Variants in RAF1 observed in about 807,000 individuals in gnomAD.
RAF1 encodes Raf-1 proto-oncogene, serine/threonine kinase.
A neutral mutation model predicts 81.1 loss-of-function variants in RAF1; 27 were observed. The observed-to-expected ratio is 0.33, with a 90% confidence interval of 0.25 to 0.46. RAF1 has a LOEUF of 0.46. Ranked by LOEUF, RAF1 falls within the 20% of genes least tolerant of loss-of-function variation. RAF1 has a pLI of 1.00. For synonymous variants in RAF1, 298 were observed against 294.0 expected (o/e 1.01, Z -0.14); for missense variants, 598 against 826.0 (o/e 0.72, Z 3.38).
intron 2 of RAF1, among the ~76,000 whole-genome samples, chr3:12,618,095 A>G (rs1403171592): frequency 6.6e-6 from 1 of 152,072 alleles, no homozygotes; most frequent in African/African-American, 2.4e-5. Flanking sequence ...TACAAAAATA[A>G]TCTTTTCTAT....
At chr3:12,639,610 C>A (rs1221763371) in intron 1 of RAF1, among the ~76,000 whole-genome samples, 1 of 152,144 alleles carries the variant, frequency 6.6e-6, no homozygotes, top group Non-Finnish European at 1.5e-5. Flanking sequence ...CATGAGTGAA[C>A]TCTCATTCAC....
chr3:12,604,392 T>G (rs1317519557), intron 6 of RAF1, 103 bp from the exon 7 acceptor site: 8 of 1,197,846 alleles, frequency 6.7e-6, no homozygotes, highest in Non-Finnish European at 9.7e-6. Flanking sequence ...GGGCAAACTC[T>G]ACCTGTACAA....
intron 3 of RAF1, among the ~76,000 whole-genome samples, chr3:12,610,039 C>A (rs2059160750): frequency 6.6e-6 from 1 of 152,132 alleles, no homozygotes; most frequent in East Asian, 1.9e-4. Flanking sequence ...GTCTATAAGT[C>A]AATGAGAAAC....
intron 1 of RAF1, among the ~76,000 whole-genome samples, chr3:12,637,874 T>G (rs138002429): frequency 0.019 from 2,917 of 151,992 alleles, 93 homozygotes; most frequent in African/African-American, 0.066. Context: ...AAACACAAAT[T>G]TGGACATATT....
At chr3:12,658,838 A>T (rs950125726) in intron 1 of RAF1, among the ~76,000 whole-genome samples, 1 of 152,202 alleles carries the variant, frequency 6.6e-6, no homozygotes, top group Non-Finnish European at 1.5e-5. Context: ...GATGCCAATT[A>T]ACATACTTTG....
chr3:12,623,787 GA>G (rs2059617967), intron 1 of RAF1, among the ~76,000 whole-genome samples: 1 of 124,146 alleles, frequency 8.1e-6, no homozygotes, highest in South Asian at 2.6e-4. Context: ...GACAGAGCGA[GA>G]CTCTGTCTCA....
chr3:12,656,645 A>C (rs916552392), intron 1 of RAF1, among the ~76,000 whole-genome samples: 1 of 152,216 alleles, frequency 6.6e-6, no homozygotes, highest in Non-Finnish European at 1.5e-5. Context: ...CACTGGAAAT[A>C]TATAGGCAAG....
intron 1 of RAF1, among the ~76,000 whole-genome samples, chr3:12,638,443 C>T (rs1029102718): frequency 2.6e-5 from 4 of 152,172 alleles, no homozygotes; most frequent in African/African-American, 7.2e-5. Flanking sequence ...TAATGATTGG[C>T]TGGCAGTCAG....
At chr3:12,621,631 C>A (rs2059559523) in intron 1 of RAF1, among the ~76,000 whole-genome samples, 2 of 152,142 alleles carry the variant, frequency 1.3e-5, no homozygotes, top group Admixed American at 6.6e-5. Flanking sequence ...AGAAATTTGT[C>A]CTACAGAAGC....
intron 11 of RAF1, among the ~76,000 whole-genome samples, chr3:12,598,138 C>G (rs898402583): frequency 2.6e-5 from 4 of 151,578 alleles, no homozygotes; most frequent in African/African-American, 9.7e-5. Flanking sequence ...CCTGCCTCAG[C>G]CTTCCAAGTA....
chr3:12,628,255 G>C (rs558819435), intron 1 of RAF1, among the ~76,000 whole-genome samples: 14 of 152,360 alleles, frequency 9.2e-5, no homozygotes, highest in Non-Finnish European at 1.5e-4. Flanking sequence ...AGGCCCAGGA[G>C]TTTGAGACCA....
At chr3:12,647,952 C>A (rs55762590) in intron 1 of RAF1, among the ~76,000 whole-genome samples, 1 of 152,054 alleles carries the variant, frequency 6.6e-6, no homozygotes, top group South Asian at 2.1e-4. Flanking sequence ...TTTAAAAATA[C>A]AAGTTAAAAA....
At chr3:12,637,435 T>C (rs1188159660) in intron 1 of RAF1, among the ~76,000 whole-genome samples, 2 of 151,756 alleles carry the variant, frequency 1.3e-5, no homozygotes, top group South Asian at 2.1e-4. Context: ...TGGCTAATTT[T>C]TGTATTTTCA....
intron 2 of RAF1, 105 bp from the exon 3 acceptor site, chr3:12,612,167 C>G (rs769712261): frequency 1.7e-5 from 14 of 846,218 alleles, no homozygotes; most frequent in Non-Finnish European, 2.4e-5. Context: ...TGATGGCCCA[C>G]GCACACACAC....
At chr3:12,642,775 A>G (rs1189945213) in intron 1 of RAF1, among the ~76,000 whole-genome samples, 1 of 148,104 alleles carries the variant, frequency 6.8e-6, no homozygotes, top group Non-Finnish European at 1.5e-5. Flanking sequence ...GGGCAGGGCC[A>G]GGGGGTGGGA....
At chr3:12,657,709 C>T (rs2060741360) in intron 1 of RAF1, among the ~76,000 whole-genome samples, 3 of 151,342 alleles carry the variant, frequency 2.0e-5, no homozygotes, top group South Asian at 4.1e-4. Context: ...GCAGAGGTTG[C>T]GGTGAGCTGA....
chr3:12,612,683 A>G (rs1324157446), intron 2 of RAF1, among the ~76,000 whole-genome samples: 3 of 151,454 alleles, frequency 2.0e-5, no homozygotes, highest in African/African-American at 4.9e-5. Context: ...AGAAATCTGT[A>G]TATGTTATAC....
chr3:12,618,692 C>A lies in RAF1; in HGVS notation c.30G>T (p.Thr10=). Residue 10 remains threonine (T), a synonymous_variant, in exon 2 of 18, where the codon ACG becomes ACT. Coordinates refer to ENST00000442415, the MANE Select transcript of RAF1 (RefSeq NM_001354689.3). The stretch of plus-strand genomic sequence containing the variant: ...CTTTGAATCCAAAACCATTGCTGAT[C>A]GTCTTCCAAGCTCCCTGTATGTGCT... 1 of 1,614,142 alleles carries A rather than the reference C, an allele frequency of 6.2e-7. No individual in the cohort carries two copies. Among genetic ancestry groups the A allele is most frequent in the South Asian group, 1.1e-5 (1 of 91,074 alleles).
At chr3:12,642,091 T>C (rs1178007491) in intron 1 of RAF1, among the ~76,000 whole-genome samples, 1 of 151,814 alleles carries the variant, frequency 6.6e-6, no homozygotes, top group African/African-American at 2.4e-5. Context: ...GTGGTTGCAG[T>C]GAGCCCAGAT....
Sources: gnomAD v4.1 joint callset for allele counts (sites outside exome capture counted in the v4.1 genomes callset) on GRCh38, gnomAD v4.1.1 for gene constraint, MANE v1.5 for transcripts, NCBI Gene and HGNC (gene_info 2026-07-23, HGNC 2026-07-21) for gene names.